Variants in AUTS2 observed in about 807,000 individuals in gnomAD.
AUTS2 encodes activator of transcription and developmental regulator AUTS2.
A neutral mutation model predicts 112.4 loss-of-function variants in AUTS2; 17 were observed. The observed-to-expected ratio is 0.15, with a 90% CI of 0.10 to 0.23. The LOEUF (loss-of-function observed/expected upper bound fraction) is 0.23, where lower values mean the gene tolerates loss of function less well. AUTS2 is among the 10% of genes least tolerant of loss of function. The pLI is 1.00. For missense variants in AUTS2, 1,510 were observed against 1,701.6 expected (o/e 0.89, Z 1.98); for synonymous variants, 751 against 702.7 (o/e 1.07, Z -1.09).
At chr7:70,218,263 T>C (rs1811279411) in intron 4 of AUTS2, among the ~76,000 whole-genome samples, 1 of 152,232 alleles carries the variant, frequency 6.6e-6, no homozygotes, top group South Asian at 2.1e-4. Context: ...ACTTAGTGCT[T>C]TGAAGTGGAT....
chr7:70,090,303 A>G (rs992648618), intron 2 of AUTS2, among the ~76,000 whole-genome samples: 3 of 151,980 alleles, frequency 2.0e-5, no homozygotes, highest in Non-Finnish European at 4.4e-5. Flanking sequence ...TCTAAAGTCT[A>G]TACTATATTG....
At chr7:69,660,020 A>G (rs1795724114) in intron 1 of AUTS2, among the ~76,000 whole-genome samples, 2 of 152,128 alleles carry the variant, frequency 1.3e-5, no homozygotes, top group African/African-American at 2.4e-5. Flanking sequence ...TAGAACCTCC[A>G]CCCTACTGAA....
rs1054968437 is a variant in AUTS2 at position 70,309,279 on chromosome 7, A to G, written c.661-126473A>G. 2.6e-5 allele frequency among the ~76,000 whole-genome samples: 4 copies of G among 152,340 alleles called. No individual in the cohort carries two copies. The South Asian group carries it at 8.3e-4, about 32-fold the overall frequency. On this transcript the variant is annotated intron_variant, in intron 4 of 18. Coordinates refer to ENST00000342771, the MANE Select transcript of AUTS2 (RefSeq NM_015570.4). ...TTCTCAGACTTCTAGGCCAGAGTCT[A>G]AATACATTTATGAAACTTCTCAGGA...
intron 5 of AUTS2, among the ~76,000 whole-genome samples, chr7:70,668,244 G>T (rs1310184629): frequency 6.6e-6 from 1 of 152,238 alleles, no homozygotes; most frequent in Non-Finnish European, 1.5e-5. Context: ...CTCCCAAAGT[G>T]CTGGGATTAC....
chr7:69,824,972 G>A (rs1046049096), intron 1 of AUTS2, among the ~76,000 whole-genome samples: 6 of 152,150 alleles, frequency 3.9e-5, no homozygotes, highest in East Asian at 1.9e-4. Flanking sequence ...ACTATACTTC[G>A]GTGGCTCCTG....
intron 1 of AUTS2, among the ~76,000 whole-genome samples, chr7:69,623,150 T>G (rs17350770): frequency 0.019 from 2,864 of 152,282 alleles, 39 homozygotes; most frequent in Non-Finnish European, 0.032. Flanking sequence ...TACTGATTCC[T>G]GGACCCTGTG....
intron 2 of AUTS2, among the ~76,000 whole-genome samples, chr7:70,022,615 C>T (rs1198456070): frequency 6.6e-6 from 1 of 152,058 alleles, no homozygotes; most frequent in Non-Finnish European, 1.5e-5. Flanking sequence ...GCCACTGCAC[C>T]TGGCCTAAAC....
chr7:70,111,040 AT>A (rs971431691), intron 2 of AUTS2, among the ~76,000 whole-genome samples: 166 of 144,198 alleles, frequency 1.2e-3, no homozygotes, highest in East Asian at 1.2e-3. Context: ...ATGCCCAGCA[AT>A]TTTTTTTTTT....
At chr7:69,727,445 C>A (rs1448518757) in intron 1 of AUTS2, among the ~76,000 whole-genome samples, 2 of 151,914 alleles carry the variant, frequency 1.3e-5, no homozygotes, top group South Asian at 2.1e-4. Flanking sequence ...CAAAAAGTAG[C>A]CAGGTATGGT....
At chr7:70,108,247 AATTAATAT>A (rs1170951943) in intron 2 of AUTS2, among the ~76,000 whole-genome samples, 1 of 152,200 alleles carries the variant, frequency 6.6e-6, no homozygotes, top group Non-Finnish European at 1.5e-5. Context: ...TTGCTGTCAG[AATTAATAT>A]TCAAGAAGTT....
intron 3 of AUTS2, among the ~76,000 whole-genome samples, chr7:70,126,024 A>G (rs1331232041): frequency 6.6e-6 from 1 of 152,228 alleles, no homozygotes; most frequent in Non-Finnish European, 1.5e-5. Flanking sequence ...AAAATAGTAT[A>G]TTATTCTAGC....
At chr7:70,732,741 A>G (rs1234994493) in intron 6 of AUTS2, among the ~76,000 whole-genome samples, 2 of 152,200 alleles carry the variant, frequency 1.3e-5, no homozygotes, top group African/African-American at 2.4e-5. Context: ...AATTCTAGCA[A>G]TTCTGCTTTA....
intron 5 of AUTS2, among the ~76,000 whole-genome samples, chr7:70,532,466 G>GGTC (rs1800136788): frequency 6.6e-6 from 1 of 152,152 alleles, no homozygotes; most frequent in Non-Finnish European, 1.5e-5. Context: ...AGGTGTAGTT[G>GGTC]TTCAACCAAG....
At chr7:70,281,573 C>T (rs949796680) in intron 4 of AUTS2, among the ~76,000 whole-genome samples, 1 of 152,156 alleles carries the variant, frequency 6.6e-6, no homozygotes, top group African/African-American at 2.4e-5. Context: ...TAAAGGAAGA[C>T]CTGGGTTCAA....
At chr7:70,071,560 G>A (rs929957554) in intron 2 of AUTS2, among the ~76,000 whole-genome samples, 1 of 152,204 alleles carries the variant, frequency 6.6e-6, no homozygotes, top group Non-Finnish European at 1.5e-5. Context: ...TCTCATTTTA[G>A]CAGGTGACTT....
intron 1 of AUTS2, among the ~76,000 whole-genome samples, chr7:69,765,903 T>C (rs1788401226): frequency 6.6e-6 from 1 of 152,156 alleles, no homozygotes; most frequent in Non-Finnish European, 1.5e-5. Flanking sequence ...GGTGAGATCA[T>C]GCCACTGCAT....
At chr7:70,409,827 T>C (rs1218033282) in intron 4 of AUTS2, among the ~76,000 whole-genome samples, 2 of 152,216 alleles carry the variant, frequency 1.3e-5, no homozygotes, top group Middle Eastern at 3.2e-3. Context: ...TGGTAGACTT[T>C]CCTTTCGGTA....
rs190000189 is a variant in AUTS2 at position 70,277,156 on chromosome 7, T to C, written c.660+142585T>C. On this transcript the variant is annotated intron_variant, in intron 4 of 18. Coordinates refer to ENST00000342771, the MANE Select transcript of AUTS2 (RefSeq NM_015570.4). ...GAGTTTGATGGACTCCTAGGATGGA[T>C]CTGTCCAGTGGACAACTGGATTTCA... Among the ~76,000 whole-genome samples the C allele has an allele frequency of 1.2e-3, 176 of 152,268 alleles. 1 individual carries two copies. The highest frequency in any genetic ancestry group is 3.4e-3 in the Middle Eastern group (1 of 294).
intron 4 of AUTS2, among the ~76,000 whole-genome samples, chr7:70,243,725 A>G (rs889608539): frequency 9.2e-5 from 14 of 152,252 alleles, no homozygotes; most frequent in South Asian, 4.1e-4. Context: ...TTCTAGACAC[A>G]TTGCTTCCCT....
Sources: gnomAD v4.1 joint callset for allele counts (sites outside exome capture counted in the v4.1 genomes callset) on GRCh38, gnomAD v4.1.1 for gene constraint, MANE v1.5 for transcripts, NCBI Gene and HGNC (gene_info 2026-07-23, HGNC 2026-07-21) for gene names.